Variants in ACSM1 observed in about 807,000 individuals in gnomAD.
The protein encoded by ACSM1 is acyl-CoA synthetase medium chain family member 1.
Under a neutral mutation model 75.8 loss-of-function variants are expected in ACSM1, and 79 were observed. The observed-to-expected ratio is 1.04, with a 90% confidence interval of 0.87 to 1.26. The LOEUF is 1.26. ACSM1 is among the 50% of genes most tolerant of loss of function. The pLI is 0.00. For missense variants in ACSM1, 676 were observed against 720.1 expected, an observed-to-expected ratio of 0.94 and a Z score of 0.70; for synonymous variants, 279 against 265.8, an observed-to-expected ratio of 1.05 and a Z score of -0.48.
At position 20,624,182 on chromosome 16, in the gene ACSM1, A is replaced by G. The variant is rs772984857; in HGVS notation, c.1561T>C (p.Phe521Leu). The change falls in exon 13 of 14, where the codon TTC (phenylalanine) becomes CTC (leucine). Residue 521 changes from phenylalanine to leucine, a missense_variant. Coordinates refer to ENST00000520010, the MANE Select transcript of ACSM1 (RefSeq NM_001318890.3). ...AGCTGATCCTTGTCATGGGACAGGA[A>G]CTGTGGGGTCAGGACAATAAAGGCC... is the stretch of plus-strand genomic sequence containing the variant. Reference protein sequence around the residue: ...VKAFIVLTPQFLSHDKDQLTK... With the variant: ...VKAFIVLTPQLLSHDKDQLTK... 2 of 1,612,852 alleles carry G rather than the reference A, an allele frequency of 1.2e-6. No individual in the cohort carries two copies. The highest frequency in any genetic ancestry group is 1.7e-6 in the Non-Finnish European group (2 of 1,179,132).
chr16:20,650,681 G>A (rs1371482740), intron 7 of ACSM1, among the ~76,000 whole-genome samples: 2 of 149,736 alleles, frequency 1.3e-5, no homozygotes, highest in Admixed American at 6.6e-5. Context: ...AAAAAAAAAA[G>A]CAGGAAACAA....
intron 7 of ACSM1, among the ~76,000 whole-genome samples, chr16:20,650,290 C>T (rs163266): frequency 0.42 from 63,047 of 151,820 alleles, 14,389 homozygotes; most frequent in East Asian, 0.85. Context: ...GTCGTTTTCA[C>T]AGATAAATGA....
chr16:20,683,160 C>T (rs911176764), intron 3 of ACSM1, among the ~76,000 whole-genome samples: 3 of 151,920 alleles, frequency 2.0e-5, no homozygotes, highest in Admixed American at 6.6e-5. Flanking sequence ...CCCTGTCACC[C>T]AGGCTGGAGT....
chr16:20,669,738 T>C (rs1455284077), intron 6 of ACSM1, 89 bp downstream of exon 6: 4 of 1,387,630 alleles, frequency 2.9e-6, no homozygotes, highest in Middle Eastern at 4.1e-4. Flanking sequence ...ATGGGCTTCT[T>C]TGCTTAATAA....
chr16:20,666,755 AACAG>A (rs1462050561), intron 6 of ACSM1, among the ~76,000 whole-genome samples: 1 of 152,198 alleles, frequency 6.6e-6, no homozygotes, highest in Non-Finnish European at 1.5e-5. Flanking sequence ...CTGGTACAAA[AACAG>A]ACAAATACAC....
intron 10 of ACSM1, among the ~76,000 whole-genome samples, chr16:20,636,258 T>C (rs1274134738): frequency 6.6e-6 from 1 of 152,196 alleles, no homozygotes; most frequent in African/African-American, 2.4e-5. Context: ...TTCCTTGTAA[T>C]CCATCTCAGT....
chr16:20,646,634 T>C (rs1439903999), intron 7 of ACSM1, among the ~76,000 whole-genome samples: 1 of 152,186 alleles, frequency 6.6e-6, no homozygotes, highest in African/African-American at 2.4e-5. Context: ...TTTTCACATG[T>C]CTTTCTAATT....
chr16:20,637,733 T>C (rs1347067547), intron 8 of ACSM1, among the ~76,000 whole-genome samples: 1 of 152,204 alleles, frequency 6.6e-6, no homozygotes, highest in Non-Finnish European at 1.5e-5. Flanking sequence ...AAACAGGGTA[T>C]TCCCCTGGCT....
chr16:20,641,056 T>C (rs2018028487), intron 7 of ACSM1, among the ~76,000 whole-genome samples: 1 of 152,114 alleles, frequency 6.6e-6, no homozygotes, highest in African/African-American at 2.4e-5. Flanking sequence ...GAATGCATGT[T>C]AGGGATTGGA....
chr16:20,626,433 T>C (rs2016928815), intron 11 of ACSM1, among the ~76,000 whole-genome samples: 1 of 152,032 alleles, frequency 6.6e-6, no homozygotes, highest in African/African-American at 2.4e-5. Context: ...ATTGTTACTG[T>C]AGTGTAATGC....
chr16:20,671,312 C>G (rs796586208), intron 5 of ACSM1, among the ~76,000 whole-genome samples: 19 of 152,222 alleles, frequency 1.2e-4, no homozygotes, highest in African/African-American at 4.1e-4. Flanking sequence ...CTTTGTCACT[C>G]TCAGGCCTCT....
chr16:20,690,934 G>C, intron 2 of ACSM1, 63 bp downstream of exon 2: 6 of 1,518,662 alleles, frequency 4.0e-6, no homozygotes, highest in South Asian at 2.5e-5. Context: ...AGCCTAGTAG[G>C]AGCAAGATAA....
intron 4 of ACSM1, chr16:20,681,572 G>A (rs894275657): frequency 6.6e-6 from 1 of 152,140 alleles, no homozygotes; most frequent in Admixed American, 6.5e-5. Context: ...AACTATAGAG[G>A]CAGTAATAAC....
intron 10 of ACSM1, 41 bp from the exon 11 acceptor site, chr16:20,627,357 T>C (rs2017003329): frequency 6.5e-7 from 1 of 1,538,118 alleles, no homozygotes; most frequent in Non-Finnish European, 8.7e-7. Flanking sequence ...GGCAGTGAAT[T>C]TAGAGGTGAT....
At chr16:20,668,668 T>C (rs2019709603) in intron 6 of ACSM1, among the ~76,000 whole-genome samples, 1 of 151,190 alleles carries the variant, frequency 6.6e-6, no homozygotes, top group Non-Finnish European at 1.5e-5. Flanking sequence ...CTGAGAAAAA[T>C]GGAGGTGAAG....
chr16:20,627,862 A>G (rs915926430), intron 10 of ACSM1, among the ~76,000 whole-genome samples: 19 of 79,968 alleles, frequency 2.4e-4, no homozygotes, highest in Non-Finnish European at 4.0e-4. Flanking sequence ...CTCTCTCTGT[A>G]TGTATACATA....
chr16:20,665,259 A>G (rs2019508089), intron 6 of ACSM1, among the ~76,000 whole-genome samples: 1 of 152,166 alleles, frequency 6.6e-6, no homozygotes, highest in Non-Finnish European at 1.5e-5. Flanking sequence ...AGCTAGATTA[A>G]CAAAGAAAAA....
At chr16:20,668,757 A>G (rs2019713796) in intron 6 of ACSM1, among the ~76,000 whole-genome samples, 1 of 152,138 alleles carries the variant, frequency 6.6e-6, no homozygotes, top group Admixed American at 6.6e-5. Context: ...GGTGAAGCAG[A>G]GGTGGCTGCA....
rs61366465 is a variant in ACSM1, at chr16:20,627,869, CATATAT to C, written c.1300-559_1300-554del. On this transcript the variant is annotated intron_variant, in intron 10 of 13. Transcript: ENST00000520010. ...CTCTCTCTCTCTCTCTGTATGTATACATATATATATATATATATATATATATATATA... is the reference window on the plus strand; with the variant it reads ...CTCTCTCTCTCTCTCTGTATGTATACATATATATATATATATATATATATA... Among the ~76,000 whole-genome samples the C allele has an allele frequency of 4.1e-3, 319 of 77,458 alleles. 1 individual carries two copies. The highest frequency in any genetic ancestry group is 0.014 in the East Asian group (21 of 1,542). The allele number at this position is 77,458 out of a possible 152,430, so 50.8% of individuals were successfully genotyped here. A position where few individuals can be genotyped will look rare whatever the true frequency, so the allele number is the denominator to read the frequency against.
Sources: gnomAD v4.1 joint callset for allele counts (sites outside exome capture counted in the v4.1 genomes callset) on GRCh38, gnomAD v4.1.1 for gene constraint, MANE v1.5 for transcripts, NCBI Gene and HGNC (gene_info 2026-07-23, HGNC 2026-07-21) for gene names.